Variants in USP32 observed in about 807,000 individuals in gnomAD.
USP32 encodes the protein ubiquitin carboxyl-terminal hydrolase 32.
In USP32, 59 loss-of-function variants were observed where a neutral mutation model predicts 204.8. That is an observed-to-expected ratio of 0.29 (90% CI 0.23 to 0.36). USP32 has a LOEUF of 0.36. Ranked by LOEUF, USP32 falls within the 10% of genes least tolerant of loss-of-function variation. The pLI is 1.00. For synonymous variants in USP32, 517 were observed against 678.4 expected (o/e 0.76, Z 3.70); for missense variants, 1,160 against 1,946.4 (o/e 0.60, Z 7.60).
intron 2 of USP32, among the ~76,000 whole-genome samples, chr17:60,338,720 A>G (rs1032828458): frequency 1.3e-5 from 2 of 152,090 alleles, no homozygotes; most frequent in Non-Finnish European, 2.9e-5. Flanking sequence ...GCAGAGTGAG[A>G]CCCTGTCTCA....
intron 9 of USP32, among the ~76,000 whole-genome samples, chr17:60,257,337 T>C (rs1013737709): frequency 1.3e-4 from 20 of 152,150 alleles, no homozygotes; most frequent in East Asian, 5.8e-4. Flanking sequence ...CATGTGCCAA[T>C]TGGGGGGAGT....
At chr17:60,322,850 C>T (rs1468907064) in intron 2 of USP32, among the ~76,000 whole-genome samples, 9 of 152,152 alleles carry the variant, frequency 5.9e-5, no homozygotes, top group Non-Finnish European at 1.5e-5. Flanking sequence ...ATATACACCA[C>T]ATGAATGTAT....
chr17:60,191,710 C>T (rs1008296602), intron 28 of USP32, among the ~76,000 whole-genome samples: 2 of 151,504 alleles, frequency 1.3e-5, no homozygotes, highest in South Asian at 2.1e-4. Context: ...GGGGTTTCAC[C>T]GTGTTAGCTA....
At chr17:60,205,282 A>G (rs1033251177) in intron 26 of USP32, among the ~76,000 whole-genome samples, 165 bp downstream of exon 26, 2 of 152,286 alleles carry the variant, frequency 1.3e-5, no homozygotes, top group Admixed American at 6.5e-5. Flanking sequence ...TTTTGAGGAC[A>G]GGATAAAAAA....
intron 1 of USP32, among the ~76,000 whole-genome samples, chr17:60,404,378 T>C (rs914774632): frequency 6.6e-6 from 1 of 152,232 alleles, no homozygotes. Context: ...TTTTTTTTAA[T>C]GTGATGCACA....
At chr17:60,250,862 T>TA (rs1416848779) in intron 11 of USP32, among the ~76,000 whole-genome samples, 1 of 151,506 alleles carries the variant, frequency 6.6e-6, no homozygotes, top group Non-Finnish European at 1.5e-5. Context: ...AAGCAACATT[T>TA]AAAAAAATAG....
intron 1 of USP32, among the ~76,000 whole-genome samples, chr17:60,414,855 C>CTTTT (rs778384707): frequency 7.5e-6 from 1 of 133,652 alleles, no homozygotes; most frequent in Non-Finnish European, 1.6e-5. Context: ...TTCTTTCTTT[C>CTTTT]TTTTTTTTTT....
chr17:60,418,994 C>T (rs1261504822), intron 1 of USP32, among the ~76,000 whole-genome samples: 1 of 152,122 alleles, frequency 6.6e-6, no homozygotes, highest in Non-Finnish European at 1.5e-5. Flanking sequence ...TACCATTCAA[C>T]CCAGCAATCC....
intron 12 of USP32, among the ~76,000 whole-genome samples, chr17:60,230,741 A>G (rs945382559): frequency 2.0e-5 from 3 of 151,950 alleles, no homozygotes; most frequent in Non-Finnish European, 4.4e-5. Context: ...CTACACGCTT[A>G]TTTTTCTTGT....
At position 60,413,861 on chromosome 17, in the gene USP32, C is replaced by CAAAAAA. The variant is rs1307789444; in HGVS notation, c.106+8379_106+8384dup. Among the ~76,000 whole-genome samples the CAAAAAA allele has an allele frequency of 1.9e-3, 59 of 31,706 alleles. 2 individuals carry two copies. The highest frequency in any genetic ancestry group is 6.8e-3 in the African/African-American group (58 of 8,506). The allele number at this position is 31,706 out of a possible 152,430, so 20.8% of individuals were successfully genotyped here. On this transcript the variant is annotated intron_variant, in intron 1 of 3. Transcript: ENST00000588898. ...GCCTGGCGACAGCTAGATTCTGTCTCAAAAAAAAAAAAAAGAAAAAAAAAA... is the reference window on the plus strand; with the variant it reads ...GCCTGGCGACAGCTAGATTCTGTCTCAAAAAAAAAAAAAAAAAAAAGAAAAAAAAAA...
At chr17:60,329,957 G>A (rs1488922143) in intron 2 of USP32, among the ~76,000 whole-genome samples, 1 of 152,246 alleles carries the variant, frequency 6.6e-6, no homozygotes, top group African/African-American at 2.4e-5. Flanking sequence ...AATGAGGTAA[G>A]TTATTCGTAT....
intron 7 of USP32, among the ~76,000 whole-genome samples, chr17:60,266,694 C>A (rs568796213): frequency 6.7e-6 from 1 of 148,282 alleles, no homozygotes; most frequent in Non-Finnish European, 1.5e-5. Flanking sequence ...CTCACTCTGT[C>A]GCCCAGGCTG....
intron 3 of USP32, among the ~76,000 whole-genome samples, chr17:60,295,638 G>A (rs1027602228): frequency 1.3e-5 from 2 of 152,100 alleles, no homozygotes; most frequent in African/African-American, 4.8e-5. Flanking sequence ...GTCACTTAGT[G>A]GCCATTTTGG....
At chr17:60,240,926 G>C (rs773657814) in intron 11 of USP32, among the ~76,000 whole-genome samples, 3 of 152,188 alleles carry the variant, frequency 2.0e-5, no homozygotes, top group African/African-American at 7.2e-5. Context: ...TAAATTCTGA[G>C]TTAAGTATAA....
Position 60,392,011 on chromosome 17 carries a change from C to G in USP32, c.-72G>C. 6.6e-7 allele frequency: 1 copy of G among 1,519,252 alleles called. No homozygotes were observed. Among genetic ancestry groups the G allele is most frequent in the Non-Finnish European group, 8.9e-7 (1 of 1,123,408 alleles). 94.1% of individuals were successfully genotyped at this position (1,519,252 alleles called of 1,614,324 possible). A position where few individuals can be genotyped will look rare whatever the true frequency, so the allele number is the denominator to read the frequency against. Reference sequence around the variant, plus strand: ...CACCCCCCTCCCGCCTTCTCCTCGGCGTCCCTGGGTGACGGTGACGGTGTC... The same window carrying G: ...CACCCCCCTCCCGCCTTCTCCTCGGGGTCCCTGGGTGACGGTGACGGTGTC... On this transcript the variant is annotated 5_prime_UTR_variant, in exon 1 of 34. Coordinates refer to ENST00000300896, the MANE Select transcript of USP32 (RefSeq NM_032582.4).
intron 31 of USP32, 33 bp downstream of exon 31, chr17:60,183,132 A>C: frequency 6.4e-7 from 1 of 1,559,692 alleles, no homozygotes; most frequent in Non-Finnish European, 8.7e-7. Context: ...AGGAGTCCCA[A>C]GAAAGCACCT....
rs58858767 is a variant in USP32 at position 60,204,135 on chromosome 17, G to A, written c.3249+1312C>T. 2.1e-3 allele frequency among the ~76,000 whole-genome samples: 321 copies of A among 151,992 alleles called. 1 individual carries two copies. Among genetic ancestry groups the A allele is most frequent in the African/African-American group, 7.4e-3 (307 of 41,450 alleles). On this transcript the variant is annotated intron_variant, in intron 26 of 33. Transcript: ENST00000300896. ...ATTAGACTGTCAAGAGAGGAATTAC[G>A]CACAACTTGATTTTCCTCAAGAACA...
intron 1 of USP32, among the ~76,000 whole-genome samples, chr17:60,355,869 A>AT (rs1657657471): frequency 7.1e-6 from 1 of 141,624 alleles, no homozygotes; most frequent in South Asian, 2.2e-4. Context: ...AAAAAAAAAA[A>AT]GAATGGCTGA....
chr17:60,349,596 A>AATATATATAT (rs1187939098), intron 1 of USP32, among the ~76,000 whole-genome samples: 2 of 65,198 alleles, frequency 3.1e-5, no homozygotes, highest in African/African-American at 7.3e-5. Flanking sequence ...AAAAAAAAAA[A>AATATATATAT]ATATATATAT....
Sources: gnomAD v4.1 joint callset for allele counts (sites outside exome capture counted in the v4.1 genomes callset) on GRCh38, gnomAD v4.1.1 for gene constraint, MANE v1.5 for transcripts, NCBI Gene and HGNC (gene_info 2026-07-23, HGNC 2026-07-21) for gene names.